Variants in GON4L observed in about 807,000 individuals in gnomAD.
GON4L encodes the protein gon-4 like, also known as GON-4-like protein.
Under a neutral mutation model 211.8 loss-of-function variants are expected in GON4L, and 87 were observed. The observed-to-expected ratio is 0.41, with a 90% CI of 0.35 to 0.49. The LOEUF is 0.49. GON4L is among the 20% of genes least tolerant of loss of function. The probability of loss-of-function intolerance (pLI) is 0.15; values close to 1 mark genes in which losing one functional copy is unlikely to be tolerated. For synonymous variants in GON4L, 875 were observed against 962.6 expected (o/e 0.91, Z 1.68); for missense variants, 2,155 against 2,659.5 (o/e 0.81, Z 4.17).
rs1660442637 is a variant in GON4L, at chr1:155,750,315, A to G, written c.*269T>C. Reference sequence around the variant, plus strand: ...AACAATAAATATGTGCCATCAGACCAAAAAAAAGTAGAGAAAGGAGCTGAA... The same window carrying G: ...AACAATAAATATGTGCCATCAGACCGAAAAAAAGTAGAGAAAGGAGCTGAA... On this transcript the variant is annotated 3_prime_UTR_variant, in exon 32 of 32. Coordinates refer to ENST00000368331, the MANE Select transcript of GON4L (RefSeq NM_001282860.2). The G allele has an allele frequency of 1.7e-6, 1 of 578,166 alleles. No individual in the cohort carries two copies. Among genetic ancestry groups the G allele is most frequent in the Non-Finnish European group, 3.1e-6 (1 of 321,948 alleles). The allele number at this position is 578,166 out of a possible 1,614,324, so 35.8% of individuals were successfully genotyped here. A position where few individuals can be genotyped will look rare whatever the true frequency, so the allele number is the denominator to read the frequency against.
At chr1:155,789,350 A>C (rs1266636440) in intron 12 of GON4L, among the ~76,000 whole-genome samples, 1 of 152,128 alleles carries the variant, frequency 6.6e-6, no homozygotes, top group Non-Finnish European at 1.5e-5. Flanking sequence ...GAAGTGGTTA[A>C]AAGTGAAGTA....
intron 2 of GON4L, among the ~76,000 whole-genome samples, chr1:155,839,716 T>C (rs2102405309): frequency 1.3e-5 from 2 of 151,942 alleles, no homozygotes; most frequent in East Asian, 3.9e-4. Flanking sequence ...TCATACATGG[T>C]CTGTGCAGGT....
intron 10 of GON4L, among the ~76,000 whole-genome samples, chr1:155,813,042 G>T (rs906507287): frequency 3.3e-5 from 5 of 152,126 alleles, no homozygotes; most frequent in Admixed American, 3.3e-4. Context: ...AAGCAATTGT[G>T]GTAAAAGGTT....
rs771808393 is a variant in GON4L at position 155,816,226 on chromosome 1, C to T, written c.1051G>A (p.Ala351Thr). Residue 351 changes from alanine to threonine, a missense_variant, in exon 7 of 32, where the codon GCC becomes ACC. This residue lies in a region of GON4L where 551 missense variants were observed against 854.0 expected (regional missense o/e 0.65). Coordinates refer to ENST00000368331, the MANE Select transcript of GON4L (RefSeq NM_001282860.2). Reference sequence around the variant, plus strand: ...TCCAAGTTTACCTTAATTTCATTGGCCTTCTTAATTGGTGAAATATTCCAT... The same window carrying T: ...TCCAAGTTTACCTTAATTTCATTGGTCTTCTTAATTGGTGAAATATTCCAT... ...PTWNISPIKK[A>T]NEIKPPQFVD... is the part of the protein sequence containing the mutation. 24 of 1,344,746 alleles carry T rather than the reference C, an allele frequency of 1.8e-5. No individual in the cohort carries two copies. Among genetic ancestry groups the T allele is most frequent in the Non-Finnish European group, 2.3e-5 (22 of 936,464 alleles). 83.3% of individuals were successfully genotyped at this position (1,344,746 alleles called of 1,614,324 possible). A position where few individuals can be genotyped will look rare whatever the true frequency, so the allele number is the denominator to read the frequency against.
chr1:155,795,144 TG>T lies in GON4L; in HGVS notation c.1652del (p.Ala551GlufsTer29). On this transcript the variant is annotated frameshift_variant, in exon 12 of 32. Transcript: ENST00000368331. LOFTEE classifies it high-confidence loss of function. ...TATATTCTGGATCATCATCATCATC[TG>T]CTTCATCTAGGAAAAAAAAGTGTTT... Reference protein sequence around the residue: ...MNDDVGNEDEADDDDDPEYNF... With the variant: ...MNDDVGNEDEXDDDDDPEYNF... 6.3e-7 allele frequency: 1 copy of T among 1,577,616 alleles called. No individual in the cohort carries two copies. The highest frequency in any genetic ancestry group is 8.7e-7 in the Non-Finnish European group (1 of 1,146,694).
intron 1 of GON4L, among the ~76,000 whole-genome samples, 197 bp from the exon 2 acceptor site, chr1:155,854,003 T>C (rs1260243407): frequency 1.3e-5 from 2 of 152,236 alleles, no homozygotes; most frequent in African/African-American, 4.8e-5. Flanking sequence ...TTACTACTGA[T>C]GGACTACTGT....
At chr1:155,833,582 C>T (rs1192328708) in intron 2 of GON4L, among the ~76,000 whole-genome samples, 1 of 119,808 alleles carries the variant, frequency 8.3e-6, no homozygotes, top group African/African-American at 3.2e-5. Flanking sequence ...GGAGGTGGAG[C>T]TTGCAGTGAG....
intron 1 of GON4L, among the ~76,000 whole-genome samples, chr1:155,854,176 G>A (rs1432218250): frequency 6.6e-6 from 1 of 152,150 alleles, no homozygotes; most frequent in African/African-American, 2.4e-5. Flanking sequence ...TTTTGAGACA[G>A]AGTCTCACTC....
At chr1:155,808,047 T>TA (rs1266399087) in intron 10 of GON4L, among the ~76,000 whole-genome samples, 1 of 151,886 alleles carries the variant, frequency 6.6e-6, no homozygotes, top group East Asian at 1.9e-4. Flanking sequence ...ATTTATTTTT[T>TA]TTTTTTTTTG....
chr1:155,805,519 C>A (rs1667048107), intron 10 of GON4L, among the ~76,000 whole-genome samples: 1 of 152,006 alleles, frequency 6.6e-6, no homozygotes, highest in South Asian at 2.1e-4. Context: ...TAGTCGCTTC[C>A]CTTTCCCCCT....
At chr1:155,847,819 A>G (rs1006179338) in intron 2 of GON4L, among the ~76,000 whole-genome samples, 15 of 152,128 alleles carry the variant, frequency 9.9e-5, no homozygotes, top group Non-Finnish European at 2.2e-4. Flanking sequence ...GGTTGCGGTG[A>G]GCCAAGATCG....
At chr1:155,810,899 A>C (rs1667703552) in intron 10 of GON4L, among the ~76,000 whole-genome samples, 2 of 152,034 alleles carry the variant, frequency 1.3e-5, no homozygotes, top group Non-Finnish European at 2.9e-5. Flanking sequence ...CTCTGGTCCC[A>C]GCTACTCAGG....
intron 14 of GON4L, among the ~76,000 whole-genome samples, chr1:155,778,230 C>T (rs541534402): frequency 6.6e-6 from 1 of 152,102 alleles, no homozygotes; most frequent in East Asian, 1.9e-4. Flanking sequence ...ACTCAGGCTG[C>T]ACTGCCTTGC....
chr1:155,766,686 T>G lies in GON4L; in HGVS notation c.2787A>C (p.Glu929Asp). 4 of 1,614,216 alleles carry G rather than the reference T, an allele frequency of 2.5e-6. No individual in the cohort carries two copies. Among genetic ancestry groups the G allele is most frequent in the Non-Finnish European group, 3.4e-6 (4 of 1,180,046 alleles). The part of the protein sequence containing the change: ...WLKASLPSIQ[E>D]ELRHMADGAR... ...CACCATCAGCCATGTGCCGCAGTTC[T>G]TCCTGGATGGATGGCAGACTGGCCT... The change falls in exon 21 of 32, where the codon GAA becomes GAC. Residue 929 changes from glutamate (E) to aspartate (D), a missense_variant. Physicochemically the swap from Glu to Asp is conservative, Grantham distance 45. This residue lies in a region of GON4L where 551 missense variants were observed against 854.0 expected (regional missense o/e 0.65). Transcript: ENST00000368331.
intron 19 of GON4L, among the ~76,000 whole-genome samples, chr1:155,768,424 C>T (rs1297964644): frequency 5.3e-5 from 8 of 150,836 alleles, no homozygotes; most frequent in Non-Finnish European, 8.9e-5. Flanking sequence ...TCCTGGCTAA[C>T]ATGGTGAAAC....
Position 155,814,343 on chromosome 1 carries a change from C to A in GON4L, c.1268G>T (p.Gly423Val). The change falls in exon 9 of 32, where the codon GGC becomes GTC. Residue 423 changes from glycine to valine, a missense_variant. Gly to Val is a moderately radical substitution (Grantham distance 109). This residue lies in a region of GON4L where 551 missense variants were observed against 854.0 expected (regional missense o/e 0.65). Transcript: ENST00000368331. The part of the protein sequence containing the change: ...SEMTETDEES[G>V]ILSEAEKVTT... Reference sequence around the variant, plus strand: ...ATGCCGATTTACCTCTGATAATATGCCACTCTCCTCATCTGTTTCAGTCAT... The same window carrying A: ...ATGCCGATTTACCTCTGATAATATGACACTCTCCTCATCTGTTTCAGTCAT... The A allele has an allele frequency of 6.2e-7, 1 of 1,613,040 alleles. No individual in the cohort carries two copies. The highest frequency in any genetic ancestry group is 8.5e-7 in the Non-Finnish European group (1 of 1,179,236).
downstream of GON4L, chr1:155,747,960 G>GT (rs757837081): frequency 5.1e-6 from 8 of 1,572,410 alleles, no homozygotes; most frequent in East Asian, 2.2e-5. Context: ...ATGCAAACTG[G>GT]TTTTTTTCTT....
intron 31 of GON4L, among the ~76,000 whole-genome samples, chr1:155,751,476 G>A (rs938673312): frequency 1.3e-5 from 2 of 152,204 alleles, no homozygotes; most frequent in African/African-American, 4.8e-5. Flanking sequence ...TTGAACCTGG[G>A]AGGTGGAGGT....
Position 155,763,493 on chromosome 1 carries a change from C to A in GON4L, c.4545G>T (p.Glu1515Asp). The change falls in exon 22 of 32, where the codon GAG (glutamate) becomes GAT (aspartate). Residue 1515 changes from glutamate to aspartate, a missense_variant. Glu to Asp is a conservative substitution (Grantham distance 45, BLOSUM62 2). This residue lies in a region of GON4L where 35 missense variants were observed against 73.9 expected (regional missense o/e 0.47). Transcript: ENST00000368331. ...GCTCAGAGTTCTCCTCCTGAGAATT[C>A]TCTTCTTCAGACTCACCCTCCTGAC... ...RMSQEGESEE[E>D]NSQEENSEPE... 1 of 1,551,500 alleles carries A rather than the reference C, an allele frequency of 6.4e-7. No individual in the cohort carries two copies. Among genetic ancestry groups the A allele is most frequent in the Non-Finnish European group, 8.7e-7 (1 of 1,147,070 alleles).
Sources: gnomAD v4.1 joint callset for allele counts (sites outside exome capture counted in the v4.1 genomes callset) on GRCh38, gnomAD v4.1.1 for gene constraint, gnomAD v4.1.1 regional missense constraint, MANE v1.5 for transcripts, NCBI Gene and HGNC (gene_info 2026-07-23, HGNC 2026-07-21) for gene names.